Variants in CCND3 observed in about 807,000 individuals in gnomAD.
CCND3 encodes the protein G1/S-specific cyclin-D3.
In CCND3, 9 loss-of-function variants were observed where a neutral mutation model predicts 28.7. The ratio of observed to expected loss-of-function variants is 0.31; its 90% CI spans 0.19 to 0.55. The LOEUF (loss-of-function observed/expected upper bound fraction) is 0.55. Ranked by LOEUF, CCND3 falls within the 20% of genes least tolerant of loss-of-function variation. CCND3 has a pLI of 0.93. For synonymous variants in CCND3, 164 were observed against 163.9 expected (o/e 1.00, Z 0.00); for missense variants, 315 against 385.8 (o/e 0.82, Z 1.54).
At chr6:41,940,615 T>C (rs1257871357) in intron 1 of CCND3, 30 bp from the exon 2 acceptor site, 1 of 1,456,090 alleles carries the variant, frequency 6.9e-7, no homozygotes, top group Non-Finnish European at 9.4e-7. Context: ...CACTGCTGGG[T>C]CTGGAGCGTG....
upstream of CCND3, among the ~76,000 whole-genome samples, chr6:42,049,493 G>T (rs1764665233): frequency 6.6e-6 from 1 of 152,212 alleles, no homozygotes; most frequent in African/African-American, 2.4e-5. Flanking sequence ...TAGGATCCAA[G>T]CCCAGAATCT....
At chr6:42,005,651 G>C (rs1414007225) in intron 1 of CCND3, among the ~76,000 whole-genome samples, 1 of 151,480 alleles carries the variant, frequency 6.6e-6, no homozygotes, top group East Asian at 1.9e-4. Context: ...CTTGAGCTAG[G>C]AATTTTGATA....
Position 41,936,538 on chromosome 6 carries a change from G to A in CCND3, c.711+21C>T, listed in dbSNP as rs766401879. On this transcript the variant is annotated intron_variant, in intron 4 of 4. Coordinates refer to ENST00000372991, the MANE Select transcript of CCND3 (RefSeq NM_001760.5). This position sits in a 1 kb window ranked among gnomAD's most constrained non-coding sequence, Gnocchi z 4.4. ...CTACTTTATGAATGGAGAGGCTGCT[G>A]CCCAGCTACCCAGCACTCACCACTT... 1.9e-6 allele frequency: 3 copies of A among 1,613,272 alleles called. No homozygotes were observed. The highest frequency in any genetic ancestry group is 1.7e-6 in the Non-Finnish European group (2 of 1,179,536).
intron 1 of CCND3, among the ~76,000 whole-genome samples, chr6:42,019,935 TC>T (rs779900315): frequency 6.6e-6 from 1 of 152,192 alleles, no homozygotes; most frequent in Non-Finnish European, 1.5e-5. Flanking sequence ...TCTAACTTTT[TC>T]CTATTTTCCA....
At chr6:42,011,798 A>G (rs940302008) in intron 1 of CCND3, among the ~76,000 whole-genome samples, 3 of 152,182 alleles carry the variant, frequency 2.0e-5, no homozygotes, top group South Asian at 2.1e-4. Flanking sequence ...TCTCAGAGTA[A>G]GAGGCCACCG....
intron 1 of CCND3, among the ~76,000 whole-genome samples, chr6:41,957,878 G>GGGGT (rs1168893280): frequency 3.3e-5 from 5 of 151,956 alleles, no homozygotes; most frequent in Non-Finnish European, 5.9e-5. Context: ...TTGCAGAGAT[G>GGGGT]GGGTCTATGT....
chr6:41,992,047 A>G (rs7739971), intron 1 of CCND3, among the ~76,000 whole-genome samples: 149,308 of 152,350 alleles, frequency 0.98, 73,226 homozygotes, highest in East Asian at 1. Context: ...TAGCGCTGCA[A>G]TAAATACGGA....
intron 1 of CCND3, among the ~76,000 whole-genome samples, chr6:42,009,672 T>TGGC (rs1421326711): frequency 1.3e-5 from 2 of 151,832 alleles, no homozygotes; most frequent in Non-Finnish European, 2.9e-5. Flanking sequence ...CTGGGGGTGG[T>TGGC]GGCACACGCC....
chr6:41,951,905 C>G (rs1166268023), intron 1 of CCND3, among the ~76,000 whole-genome samples: 1 of 151,958 alleles, frequency 6.6e-6, no homozygotes, highest in Non-Finnish European at 1.5e-5. Flanking sequence ...ATTACAGGTG[C>G]TCGCCACCAC....
At chr6:42,004,382 A>G (rs1328437583) in intron 1 of CCND3, among the ~76,000 whole-genome samples, 1 of 152,188 alleles carries the variant, frequency 6.6e-6, no homozygotes, top group Admixed American at 6.6e-5. Context: ...AACATAATTT[A>G]CCAAAAACTA....
chr6:41,956,887 C>T (rs1385212146), intron 1 of CCND3, among the ~76,000 whole-genome samples: 3 of 152,034 alleles, frequency 2.0e-5, no homozygotes, highest in Admixed American at 6.6e-5. Context: ...AAAAATTAGC[C>T]GGGCGTGGTG....
chr6:42,000,440 T>C (rs1237558698), intron 1 of CCND3, among the ~76,000 whole-genome samples: 1 of 150,418 alleles, frequency 6.6e-6, no homozygotes, highest in African/African-American at 2.4e-5. Context: ...CAGGGTTTCA[T>C]CGTGGTCTCG....
chr6:42,033,813 T>G (rs1352665421), intron 1 of CCND3, among the ~76,000 whole-genome samples: 2 of 150,630 alleles, frequency 1.3e-5, no homozygotes, highest in Non-Finnish European at 3.0e-5. Context: ...ATTGCGCCAT[T>G]GCACTCCAGT....
At position 41,951,571 on chromosome 6, in the gene CCND3, C is replaced by CA. The variant is rs1475224252; in HGVS notation, c.-45-10987dup. On this transcript the variant is annotated intron_variant, in intron 1 of 4. Transcript: ENST00000372988. Reference sequence around the variant, plus strand: ...ACACACACACACACACACACACACACACACAAAAAAAAAGATTAAGTGGGA... The same window carrying CA: ...ACACACACACACACACACACACACACAACACAAAAAAAAAGATTAAGTGGGA... Among the ~76,000 whole-genome samples the CA allele has an allele frequency of 1.6e-3, 122 of 78,626 alleles. 2 individuals are homozygous for CA. Among genetic ancestry groups the CA allele is most frequent in the African/African-American group, 5.7e-3 (110 of 19,184 alleles). 51.6% of individuals were successfully genotyped at this position (78,626 alleles called of 152,430 possible).
intron 1 of CCND3, among the ~76,000 whole-genome samples, chr6:41,982,572 C>A (rs1762378857): frequency 6.6e-6 from 1 of 152,118 alleles, no homozygotes; most frequent in Non-Finnish European, 1.5e-5. Flanking sequence ...CAGGTAGTGA[C>A]AAACTGATTG....
intron 1 of CCND3, among the ~76,000 whole-genome samples, chr6:41,969,661 G>A (rs976187689): frequency 1.6e-4 from 25 of 151,936 alleles, no homozygotes; most frequent in African/African-American, 5.6e-4. Flanking sequence ...GCTTGAACCC[G>A]GGAGGTGGAG....
chr6:41,971,548 T>C lies in CCND3; in HGVS notation c.-45-30963A>G, dbSNP rs1483394272. Reference sequence around the variant, plus strand: ...GGTCTGCCTGGTGTCAGAACCCAGGTTCTTTTTTTTTTGAGATAGAGTCTC... The same window carrying C: ...GGTCTGCCTGGTGTCAGAACCCAGGCTCTTTTTTTTTTGAGATAGAGTCTC... On this transcript the variant is annotated intron_variant, in intron 1 of 4. Transcript: ENST00000372988. Among the ~76,000 whole-genome samples the C allele has an allele frequency of 2.0e-5, 3 of 151,372 alleles. No individual in the cohort carries two copies. In the East Asian group the frequency reaches 5.9e-4, roughly 30 times the overall value.
chr6:42,036,129 A>G (rs1764200677), intron 1 of CCND3, among the ~76,000 whole-genome samples: 1 of 150,226 alleles, frequency 6.7e-6, no homozygotes, highest in Admixed American at 6.7e-5. Context: ...AGTAGTTGGG[A>G]TTATAGGCAT....
intron 1 of CCND3, among the ~76,000 whole-genome samples, chr6:42,014,404 C>CAAAACA (rs749133269): frequency 3.3e-5 from 5 of 151,342 alleles, no homozygotes; most frequent in East Asian, 3.9e-4. Context: ...CAAAACAAAA[C>CAAAACA]AAAGGCCTCC....
Sources: gnomAD v4.1 joint callset for allele counts (sites outside exome capture counted in the v4.1 genomes callset) on GRCh38, gnomAD v4.1.1 for gene constraint, Gnocchi (gnomAD v3.1) non-coding constraint, MANE v1.5 for transcripts, NCBI Gene and HGNC (gene_info 2026-07-23, HGNC 2026-07-21) for gene names.